ACTR3C: variants seen among roughly 807,000 people sequenced by gnomAD.
ACTR3C encodes actin related protein 3C.
ACTR3C carries 18 observed loss-of-function variants against 26.3 expected under a neutral mutation model. The ratio of observed to expected loss-of-function variants is 0.68; its 90% CI spans 0.47 to 1.01. The LOEUF (loss-of-function observed/expected upper bound fraction) is 1.01. ACTR3C is among the 50% of genes least tolerant of loss of function. ACTR3C has a pLI of 0.00. For missense variants in ACTR3C, 184 were observed against 250.7 expected (o/e 0.73, Z 1.80); for synonymous variants, 55 against 94.5 (o/e 0.58, Z 2.42).
the ACTR3C span, among the ~76,000 whole-genome samples, chr7:149,901,910 C>CAAAAAAAA: frequency 3.5e-5 from 2 of 56,760 alleles, no homozygotes; most frequent in African/African-American, 1.5e-4. Flanking sequence ...GACTCTGTCT[C>CAAAAAAAA]AAAAAAAAAA....
rs1795525335 is a variant in ACTR3C, at chr7:150,302,746, T to C, written c.-51-7399A>G. On this transcript the variant is annotated intron_variant, in intron 1 of 7. Transcript: ENST00000683684. ...AGGGGGAAATGATCTCTATGTGAAG[T>C]GTTAAACTCCGAGTTATGGCTGTGG... 2.0e-5 allele frequency: 3 copies of C among 152,094 alleles called. No individual in the cohort carries two copies. The South Asian group carries it at 6.2e-4, about 31-fold the overall frequency. The allele number at this position is 152,094 out of a possible 1,614,324, so 9.4% of individuals were successfully genotyped here.
the ACTR3C span, among the ~76,000 whole-genome samples, chr7:150,180,752 C>T: frequency 1.2e-4 from 18 of 148,986 alleles, no homozygotes; most frequent in African/African-American, 2.8e-4. Context: ...CCTCGTGATC[C>T]GCCCGCCTCG....
the ACTR3C span, among the ~76,000 whole-genome samples, chr7:149,997,577 T>C: frequency 6.6e-6 from 1 of 152,020 alleles, no homozygotes; most frequent in Admixed American, 6.6e-5. Flanking sequence ...TTCAATTTTA[T>C]TTTTAATATG....
At chr7:150,170,333 TC>T in the ACTR3C span, among the ~76,000 whole-genome samples, 2 of 150,802 alleles carry the variant, frequency 1.3e-5, no homozygotes, top group African/African-American at 5.0e-5. Context: ...TGGCATCTCT[TC>T]AACTCTGCCA....
the ACTR3C span, among the ~76,000 whole-genome samples, chr7:150,119,803 A>G: frequency 1.3e-5 from 2 of 152,204 alleles, no homozygotes. Context: ...ACTACATAGC[A>G]CTTATTCTAA....
the ACTR3C span, among the ~76,000 whole-genome samples, chr7:149,962,113 A>G: frequency 1.3e-5 from 2 of 152,174 alleles, no homozygotes; most frequent in African/African-American, 4.8e-5. Context: ...AGCTCACAGG[A>G]AGTGTATGCT....
the ACTR3C span, among the ~76,000 whole-genome samples, chr7:150,016,824 C>A: frequency 1.5e-4 from 23 of 152,246 alleles, 1 homozygote; most frequent in African/African-American, 5.3e-4. Flanking sequence ...GTATATGTGT[C>A]ATAGCCTGTA....
chr7:149,964,403 A>G, the ACTR3C span, among the ~76,000 whole-genome samples: 1,442 of 152,332 alleles, frequency 9.5e-3, 21 homozygotes, highest in African/African-American at 0.033. Flanking sequence ...CCTGAAGCAG[A>G]GGTGTCGTCA....
At chr7:149,990,996 G>T in the ACTR3C span, among the ~76,000 whole-genome samples, 1 of 152,160 alleles carries the variant, frequency 6.6e-6, no homozygotes, top group Admixed American at 6.5e-5. Context: ...CTGTTCTCAT[G>T]CTGCTAATAA....
At chr7:150,277,593 G>A (rs1236058343) in intron 6 of ACTR3C, among the ~76,000 whole-genome samples, 1 of 152,086 alleles carries the variant, frequency 6.6e-6, no homozygotes, top group Non-Finnish European at 1.5e-5. Flanking sequence ...CACCAAACTA[G>A]ATCTAGTCTT....
chr7:149,971,633 C>T, the ACTR3C span, among the ~76,000 whole-genome samples: 8 of 152,304 alleles, frequency 5.3e-5, no homozygotes, highest in South Asian at 4.1e-4. Flanking sequence ...GAAAGGACTT[C>T]GAAGAATGAG....
At chr7:150,208,816 C>T in the ACTR3C span, among the ~76,000 whole-genome samples, 1 of 152,138 alleles carries the variant, frequency 6.6e-6, no homozygotes, top group African/African-American at 2.4e-5. Flanking sequence ...TCAAGGATGG[C>T]ATTTGATCAA....
the ACTR3C span, among the ~76,000 whole-genome samples, chr7:149,936,493 C>A: frequency 1.3e-5 from 2 of 152,214 alleles, no homozygotes; most frequent in Admixed American, 6.5e-5. Context: ...AAATAATTTA[C>A]TCTACATGAT....
chr7:149,905,519 A>G, the ACTR3C span, among the ~76,000 whole-genome samples: 2 of 150,840 alleles, frequency 1.3e-5, no homozygotes, highest in Admixed American at 1.3e-4. Context: ...ACTGAAAAGT[A>G]TTACTATATC....
chr7:149,918,904 T>G, the ACTR3C span, among the ~76,000 whole-genome samples: 16 of 151,994 alleles, frequency 1.1e-4, no homozygotes, highest in African/African-American at 2.9e-4. Flanking sequence ...TTGGTGCCCA[T>G]GTACCTGTGG....
At chr7:150,063,566 A>T in the ACTR3C span, among the ~76,000 whole-genome samples, 1 of 151,602 alleles carries the variant, frequency 6.6e-6, no homozygotes, top group Non-Finnish European at 1.5e-5. Context: ...TTTATAATTA[A>T]CATGACTTTC....
the ACTR3C span, among the ~76,000 whole-genome samples, chr7:149,969,268 G>GGTGTGTGTGT: frequency 1.8e-5 from 2 of 109,836 alleles, no homozygotes; most frequent in African/African-American, 6.3e-5. Flanking sequence ...CTCAGAAAGA[G>GGTGTGTGTGT]CTGTGTGTGT....
At chr7:149,936,707 TG>T in the ACTR3C span, among the ~76,000 whole-genome samples, 1 of 152,238 alleles carries the variant, frequency 6.6e-6, no homozygotes, top group Non-Finnish European at 1.5e-5. Context: ...CTGGAGGTCC[TG>T]GGTTCAAGTC....
the ACTR3C span, among the ~76,000 whole-genome samples, chr7:150,038,253 C>T: frequency 5.5e-5 from 8 of 144,528 alleles, 2 homozygotes; most frequent in African/African-American, 1.6e-4. Flanking sequence ...GGGGGGCCAT[C>T]CTTTAGCAAC....
Sources: allele counts gnomAD v4.1 joint callset (sites outside exome capture counted in the v4.1 genomes callset), GRCh38; gene constraint gnomAD v4.1.1; transcripts MANE v1.5; gene names NCBI Gene and HGNC (gene_info 2026-07-23, HGNC 2026-07-21).